ZNF385D: variants seen among roughly 807,000 people sequenced by gnomAD.
ZNF385D encodes the protein zinc finger protein 659.
Under a neutral mutation model 35.8 loss-of-function variants are expected in ZNF385D, and 15 were observed. That is an observed-to-expected ratio of 0.42 (90% CI 0.28 to 0.64). The LOEUF (loss-of-function observed/expected upper bound fraction) is 0.64. ZNF385D is among the 30% of genes least tolerant of loss of function. The pLI, the probability that ZNF385D is intolerant of heterozygous loss-of-function variation, is 0.23. For synonymous variants in ZNF385D, 212 were observed against 186.8 expected, an observed-to-expected ratio of 1.13 and a Z score of -1.10; for missense variants, 474 against 494.6, an observed-to-expected ratio of 0.96 and a Z score of 0.39.
intron 2 of ZNF385D, among the ~76,000 whole-genome samples, chr3:22,283,282 A>G (rs1559497667): frequency 6.6e-6 from 1 of 152,122 alleles, no homozygotes; most frequent in Admixed American, 6.6e-5. Context: ...ATCAAGATAG[A>G]AAGTCAACAA....
At chr3:21,796,092 G>C (rs999493584) in intron 3 of ZNF385D, among the ~76,000 whole-genome samples, 5 of 152,180 alleles carry the variant, frequency 3.3e-5, no homozygotes, top group African/African-American at 1.2e-4. Flanking sequence ...ACTATGAACA[G>C]TTGCTTTTCC....
At position 22,092,647 on chromosome 3, in the gene ZNF385D, C is replaced by G. The variant is rs142626698; in HGVS notation, c.325+76170G>C. On this transcript the variant is annotated intron_variant, in intron 3 of 5. Transcript: ENST00000494108. ...ATCAATTCAGCCTTATGGGTAGTGG[C>G]CCCTATAATTTGCTATTACTCTATT... 8.6e-5 allele frequency among the ~76,000 whole-genome samples: 13 copies of G among 152,012 alleles called. No homozygotes were observed. In the South Asian group the frequency reaches 2.3e-3, roughly 27 times the overall value.
At chr3:22,316,231 T>A (rs1368948682) in intron 2 of ZNF385D, among the ~76,000 whole-genome samples, 4 of 152,126 alleles carry the variant, frequency 2.6e-5, no homozygotes, top group African/African-American at 7.2e-5. Flanking sequence ...CAACCAAATT[T>A]TCCATAAAAA....
chr3:21,583,966 A>AC (rs71044927), intron 2 of ZNF385D, among the ~76,000 whole-genome samples: 2 of 131,804 alleles, frequency 1.5e-5, no homozygotes, highest in Non-Finnish European at 3.0e-5. Context: ...TTACTTATTT[A>AC]TTTATTTATT....
At chr3:21,454,687 G>C (rs865987842) in intron 4 of ZNF385D, among the ~76,000 whole-genome samples, 1 of 152,186 alleles carries the variant, frequency 6.6e-6, no homozygotes, top group Admixed American at 6.5e-5. Flanking sequence ...ACAAGACAGG[G>C]ATGCCCTCTC....
At chr3:21,498,106 G>A (rs984803222) in intron 4 of ZNF385D, among the ~76,000 whole-genome samples, 19 of 151,938 alleles carry the variant, frequency 1.3e-4, no homozygotes, top group African/African-American at 4.1e-4. Context: ...AAACAAAAAC[G>A]AGCCATGGGG....
At chr3:21,831,544 G>T (rs991634122) in intron 3 of ZNF385D, among the ~76,000 whole-genome samples, 7 of 152,050 alleles carry the variant, frequency 4.6e-5, no homozygotes, top group African/African-American at 1.7e-4. Flanking sequence ...TCATTCAAAG[G>T]TTATCCATAC....
chr3:21,866,698 T>A (rs899975549), intron 3 of ZNF385D, among the ~76,000 whole-genome samples: 3 of 152,154 alleles, frequency 2.0e-5, no homozygotes, highest in Non-Finnish European at 4.4e-5. Flanking sequence ...TAGAGTAACT[T>A]GTTTTGGCAT....
At chr3:22,170,557 T>G (rs1694341179) in intron 2 of ZNF385D, among the ~76,000 whole-genome samples, 1 of 152,048 alleles carries the variant, frequency 6.6e-6, no homozygotes, top group Non-Finnish European at 1.5e-5. Flanking sequence ...ATTAACTTCC[T>G]TTTAAAAAGG....
At position 22,251,625 on chromosome 3, in the gene ZNF385D, T is replaced by C. The variant is rs116527560; in HGVS notation, c.107-82590A>G. Among the ~76,000 whole-genome samples the C allele has an allele frequency of 6.8e-3, 1,034 of 152,194 alleles. 12 individuals are homozygous for C. Among genetic ancestry groups the C allele is most frequent in the African/African-American group, 0.023 (958 of 41,540 alleles). ...CTGGCTTCTATCCATTACATGTCAG[T>C]AGTGAATCCCTCCCCCATTTGTGAG... On this transcript the variant is annotated intron_variant, in intron 2 of 5. Transcript: ENST00000494108.
chr3:22,007,625 G>C (rs896011968), intron 3 of ZNF385D, among the ~76,000 whole-genome samples: 7 of 152,092 alleles, frequency 4.6e-5, no homozygotes, highest in Non-Finnish European at 1.0e-4. Context: ...TAGGTATTTC[G>C]TCACAGTTTT....
At chr3:21,488,053 T>C (rs1426776528) in intron 4 of ZNF385D, among the ~76,000 whole-genome samples, 1 of 151,858 alleles carries the variant, frequency 6.6e-6, no homozygotes, top group East Asian at 1.9e-4. Flanking sequence ...TATTTGAAAA[T>C]TGAACTTACA....
chr3:21,976,798 C>G (rs1047781085), intron 3 of ZNF385D, among the ~76,000 whole-genome samples: 2 of 152,148 alleles, frequency 1.3e-5, no homozygotes, highest in African/African-American at 4.8e-5. Context: ...CGAGAACATC[C>G]TGGCCAACAT....
chr3:21,801,083 T>C (rs980833240), intron 3 of ZNF385D, among the ~76,000 whole-genome samples: 3 of 152,196 alleles, frequency 2.0e-5, no homozygotes, highest in African/African-American at 7.2e-5. Context: ...TAGATGGCCA[T>C]GTATTTTTCC....
chr3:21,710,156 TAA>T (rs1476864534), intron 1 of ZNF385D, among the ~76,000 whole-genome samples: 2 of 152,110 alleles, frequency 1.3e-5, no homozygotes, highest in Non-Finnish European at 2.9e-5. Flanking sequence ...TGGTTTAGAA[TAA>T]AAGACATGAA....
At chr3:22,273,438 A>G (rs932273625) in intron 2 of ZNF385D, among the ~76,000 whole-genome samples, 1 of 151,980 alleles carries the variant, frequency 6.6e-6, no homozygotes, top group African/African-American at 2.4e-5. Flanking sequence ...CAATGTCTGA[A>G]GATATTTCTG....
At chr3:22,066,110 A>G (rs1314849957) in intron 3 of ZNF385D, among the ~76,000 whole-genome samples, 1 of 152,186 alleles carries the variant, frequency 6.6e-6, no homozygotes, top group Non-Finnish European at 1.5e-5. Flanking sequence ...CCAACCGAGA[A>G]GAGTTGAAAG....
intron 3 of ZNF385D, among the ~76,000 whole-genome samples, chr3:21,899,976 C>T (rs1001971009): frequency 5.9e-5 from 9 of 152,074 alleles, no homozygotes; most frequent in Admixed American, 5.2e-4. Context: ...TCAGGTGACA[C>T]GGTTTAAGTT....
chr3:22,109,872 TCTACTCATCTGACAAAGGG>T (rs1397842256), intron 3 of ZNF385D, among the ~76,000 whole-genome samples: 2 of 152,060 alleles, frequency 1.3e-5, no homozygotes, highest in African/African-American at 2.4e-5. Flanking sequence ...ATTTTTGCAA[TCTACTCATCTGACAAAGGG>T]CTACTCATCT....
Sources: gnomAD v4.1 joint callset for allele counts (sites outside exome capture counted in the v4.1 genomes callset) on GRCh38, gnomAD v4.1.1 for gene constraint, MANE v1.5 for transcripts, NCBI Gene and HGNC (gene_info 2026-07-23, HGNC 2026-07-21) for gene names.